The following NELL1 variants were observed in gnomAD, a reference collection of about 807,000 sequenced individuals.
NELL1 encodes neural EGFL like 1.
NELL1 carries 76 observed loss-of-function variants against 107.4 expected under a neutral mutation model. The ratio of observed to expected loss-of-function variants is 0.71; its 90% CI spans 0.59 to 0.86. NELL1 has a LOEUF of 0.86. NELL1 is among the 40% of genes least tolerant of loss of function. The pLI, the probability that NELL1 is intolerant of heterozygous loss-of-function variation, is 0.00. For missense variants in NELL1, 1,024 were observed against 1,005.5 expected, an observed-to-expected ratio of 1.02 and a Z score of -0.25; for synonymous variants, 353 against 341.2, an observed-to-expected ratio of 1.03 and a Z score of -0.38.
At chr11:20,733,464 G>A (rs1855693373) in intron 2 of NELL1, among the ~76,000 whole-genome samples, 2 of 152,208 alleles carry the variant, frequency 1.3e-5, no homozygotes, top group Admixed American at 1.3e-4. Context: ...AGGAGCTTAG[G>A]CTGGGAGAAG....
At chr11:21,046,326 T>C (rs1853352926) in intron 12 of NELL1, among the ~76,000 whole-genome samples, 1 of 152,190 alleles carries the variant, frequency 6.6e-6, no homozygotes, top group Non-Finnish European at 1.5e-5. Flanking sequence ...TTATCATATA[T>C]GTTCTTACTA....
chr11:21,454,698 C>T (rs1232807008), intron 15 of NELL1, among the ~76,000 whole-genome samples: 1 of 152,200 alleles, frequency 6.6e-6, no homozygotes, highest in Non-Finnish European at 1.5e-5. Flanking sequence ...AAGTTTAAGG[C>T]AGATTTGATT....
intron 4 of NELL1, among the ~76,000 whole-genome samples, chr11:20,862,972 A>G (rs1245937866): frequency 1.3e-5 from 2 of 152,198 alleles, no homozygotes; most frequent in Non-Finnish European, 2.9e-5. Flanking sequence ...TTCTTAGTAC[A>G]GAACAAAATG....
At chr11:21,119,975 G>A (rs1855327921) in intron 13 of NELL1, among the ~76,000 whole-genome samples, 1 of 152,120 alleles carries the variant, frequency 6.6e-6, no homozygotes, top group Non-Finnish European at 1.5e-5. Flanking sequence ...ACAGTAACGG[G>A]TAGGCATTCA....
chr11:20,986,372 A>C (rs1367916017), intron 12 of NELL1, among the ~76,000 whole-genome samples: 1 of 152,152 alleles, frequency 6.6e-6, no homozygotes, highest in Non-Finnish European at 1.5e-5. Flanking sequence ...GTTAAGAAAG[A>C]TTGCATTTTT....
At chr11:21,389,353 A>G (rs574051530) in intron 15 of NELL1, among the ~76,000 whole-genome samples, 2 of 151,954 alleles carry the variant, frequency 1.3e-5, no homozygotes, top group South Asian at 2.1e-4. Context: ...CTGAAAAATA[A>G]TTTATGCTTT....
At chr11:21,351,268 AT>A (rs1006227827) in intron 14 of NELL1, among the ~76,000 whole-genome samples, 44 of 113,676 alleles carry the variant, frequency 3.9e-4, no homozygotes, top group Admixed American at 8.7e-4. Context: ...CTGAGTGAAT[AT>A]TTTTTTTGTT....
intron 12 of NELL1, among the ~76,000 whole-genome samples, chr11:21,053,552 G>A (rs1000778076): frequency 7.9e-5 from 12 of 152,146 alleles, no homozygotes; most frequent in South Asian, 6.2e-4. Context: ...GGAACACAGA[G>A]GGATGCACTC....
chr11:21,202,816 T>C (rs981764847), intron 13 of NELL1, among the ~76,000 whole-genome samples: 3 of 152,140 alleles, frequency 2.0e-5, no homozygotes, highest in African/African-American at 7.2e-5. Context: ...GAGATTCTGG[T>C]ATGTTGTGTC....
intron 12 of NELL1, among the ~76,000 whole-genome samples, chr11:21,030,622 A>ATTTTTTTTTTTTTTTTTTTTTTTTTT (rs201033870): frequency 3.3e-5 from 4 of 120,122 alleles, no homozygotes; most frequent in Non-Finnish European, 5.5e-5. Flanking sequence ...ATTTTCTTGT[A>ATTTTTTTTTTTTTTTTTTTTTTTTTT]TTTTTTTTTT....
At chr11:21,247,407 A>C (rs990086425) in intron 14 of NELL1, among the ~76,000 whole-genome samples, 3 of 152,176 alleles carry the variant, frequency 2.0e-5, no homozygotes, top group African/African-American at 7.2e-5. Flanking sequence ...TTATTCTATA[A>C]GCTTTTGTCT....
At chr11:21,249,650 C>G (rs1858587712) in intron 14 of NELL1, among the ~76,000 whole-genome samples, 3 of 152,084 alleles carry the variant, frequency 2.0e-5, no homozygotes, top group Admixed American at 2.0e-4. Flanking sequence ...GGTGCAATTC[C>G]AATTCAAAAC....
At chr11:21,256,264 C>A (rs907782031) in intron 14 of NELL1, among the ~76,000 whole-genome samples, 1 of 152,034 alleles carries the variant, frequency 6.6e-6, no homozygotes, top group Non-Finnish European at 1.5e-5. Context: ...TATATTTGCT[C>A]TCTCTGAGAA....
intron 2 of NELL1, among the ~76,000 whole-genome samples, chr11:20,695,107 T>C (rs1166809612): frequency 2.0e-5 from 3 of 152,090 alleles, no homozygotes; most frequent in East Asian, 3.8e-4. Context: ...ACGTTACTGT[T>C]ATATAAAAAT....
chr11:20,871,009 ATATTG>A, intron 4 of NELL1, among the ~76,000 whole-genome samples: 1 of 152,364 alleles, frequency 6.6e-6, no homozygotes, highest in East Asian at 1.9e-4. Flanking sequence ...TGGCACATTT[ATATTG>A]GGAAGATTGT....
At chr11:20,880,272 G>A (rs1375886346) in intron 4 of NELL1, among the ~76,000 whole-genome samples, 1 of 152,174 alleles carries the variant, frequency 6.6e-6, no homozygotes, top group Non-Finnish European at 1.5e-5. Flanking sequence ...TCCATTTGGT[G>A]AGAGCTACAG....
At position 21,093,338 on chromosome 11, in the gene NELL1, G is replaced by A. The variant is rs138711038; in HGVS notation, c.1301-20251G>A. Among the ~76,000 whole-genome samples the A allele has an allele frequency of 2.4e-4, 37 of 152,198 alleles. No individual in the cohort carries two copies. In the East Asian group the frequency reaches 7.2e-3, roughly 29 times the overall value. On this transcript the variant is annotated intron_variant, in intron 12 of 19. Coordinates refer to ENST00000357134, the MANE Select transcript of NELL1 (RefSeq NM_006157.5). ...TTGGGCAGAGTCCTACTGATTGATT[G>A]ATTTTTTTTATTTTTATTTTTTTGT...
chr11:21,004,578 A>G (rs893960879), intron 12 of NELL1, among the ~76,000 whole-genome samples: 6 of 152,186 alleles, frequency 3.9e-5, no homozygotes, highest in African/African-American at 1.4e-4. Flanking sequence ...GATACCAGGT[A>G]TGGATTGCTA....
At chr11:21,175,805 T>C (rs1401417097) in intron 13 of NELL1, among the ~76,000 whole-genome samples, 1 of 151,906 alleles carries the variant, frequency 6.6e-6, no homozygotes. Context: ...TTAAAATACC[T>C]CCTATCTGAG....
Sources: allele counts gnomAD v4.1 joint callset (sites outside exome capture counted in the v4.1 genomes callset), GRCh38; gene constraint gnomAD v4.1.1; transcripts MANE v1.5; gene names NCBI Gene and HGNC (gene_info 2026-07-23, HGNC 2026-07-21).